SEC23B: variants seen among roughly 807,000 people sequenced by gnomAD.
The protein encoded by SEC23B is protein transport protein Sec23B.
SEC23B carries 77 observed loss-of-function variants against 104.3 expected under a neutral mutation model. The observed-to-expected ratio is 0.74, with a 90% confidence interval of 0.61 to 0.89. The LOEUF is 0.89. Among genes scored for constraint, SEC23B ranks in the 40% least tolerant of loss-of-function variants. SEC23B has a pLI of 0.00. For missense variants in SEC23B, 885 were observed against 949.4 expected (o/e 0.93, Z 0.89); for synonymous variants, 338 against 332.5 (o/e 1.02, Z -0.18).
chr20:18,534,296 T>C (rs1421491623), intron 11 of SEC23B, among the ~76,000 whole-genome samples: 1 of 152,232 alleles, frequency 6.6e-6, no homozygotes, highest in East Asian at 1.9e-4. Context: ...AATTTCCTAA[T>C]ATCTAGTTCA....
At chr20:18,542,956 A>C in intron 13 of SEC23B, 63 bp from the exon 14 acceptor site, 1 of 1,604,034 alleles carries the variant, frequency 6.2e-7, no homozygotes, top group Non-Finnish European at 8.5e-7. Context: ...CTTTTTCTGA[A>C]TGGATGTCTG....
At chr20:18,531,539 C>G (rs112088095) in intron 10 of SEC23B, among the ~76,000 whole-genome samples, 2 of 151,682 alleles carry the variant, frequency 1.3e-5, no homozygotes, top group African/African-American at 4.8e-5. Context: ...GCCTGTAGCC[C>G]CAGCTACTTG....
At chr20:18,520,292 G>T (rs1412546043) in intron 4 of SEC23B, among the ~76,000 whole-genome samples, 1 of 152,184 alleles carries the variant, frequency 6.6e-6, no homozygotes, top group Non-Finnish European at 1.5e-5. Flanking sequence ...GCTATAACAA[G>T]CGAGTGATAA....
chr20:18,556,815 G>T (rs2122183792), intron 19 of SEC23B, among the ~76,000 whole-genome samples: 1 of 152,246 alleles, frequency 6.6e-6, no homozygotes, highest in South Asian at 2.1e-4. Flanking sequence ...AGCCAACACG[G>T]TGAAACCCCC....
intron 14 of SEC23B, 105 bp downstream of exon 14, chr20:18,543,277 A>G: frequency 7.1e-7 from 1 of 1,410,370 alleles, no homozygotes; most frequent in Non-Finnish European, 1.0e-6. Flanking sequence ...GCAAGAATTT[A>G]TCAGTTGCCT....
At chr20:18,545,853 T>C in intron 14 of SEC23B, 103 bp from the exon 15 acceptor site, 1 of 776,978 alleles carries the variant, frequency 1.3e-6, no homozygotes, top group East Asian at 2.4e-5. Flanking sequence ...GAGTTCAGAC[T>C]GGATGTAGCT....
intron 4 of SEC23B, among the ~76,000 whole-genome samples, chr20:18,517,050 A>G (rs1399141209): frequency 1.3e-5 from 2 of 152,170 alleles, no homozygotes; most frequent in East Asian, 3.9e-4. Context: ...TTTAATTTCC[A>G]TATATATGTT....
At chr20:18,533,912 A>C (rs2060206990) in intron 11 of SEC23B, among the ~76,000 whole-genome samples, 2 of 152,210 alleles carry the variant, frequency 1.3e-5, no homozygotes, top group South Asian at 4.1e-4. Flanking sequence ...TAGTTTAAGA[A>C]GGTATTTTTA....
At chr20:18,521,643 G>C (rs906025015) in intron 4 of SEC23B, among the ~76,000 whole-genome samples, 1 of 152,140 alleles carries the variant, frequency 6.6e-6, no homozygotes, top group Admixed American at 6.5e-5. Context: ...ATAGGGTGGG[G>C]GAGCAGAGGC....
At chr20:18,557,994 G>A (rs976126217) in intron 19 of SEC23B, among the ~76,000 whole-genome samples, 9 of 151,480 alleles carry the variant, frequency 5.9e-5, no homozygotes, top group Non-Finnish European at 1.3e-4. Flanking sequence ...CAGGTGATCC[G>A]CCCGCCTCAG....
At position 18,531,444 on chromosome 20, in the gene SEC23B, G is replaced by T. The variant is rs546493243; in HGVS notation, c.1233+641G>T. Among the ~76,000 whole-genome samples the T allele has an allele frequency of 1.2e-4, 18 of 149,848 alleles. 1 individual carries two copies. In the South Asian group the frequency reaches 3.6e-3, roughly 30 times the overall value. Reference sequence around the variant, plus strand: ...GGCCGAGGTGGGCGGATCACCTGAGGTTGGGAGTTCGAGACCAGCCTGACC... The same window carrying T: ...GGCCGAGGTGGGCGGATCACCTGAGTTTGGGAGTTCGAGACCAGCCTGACC... On this transcript the variant is annotated intron_variant, in intron 10 of 19. Coordinates refer to ENST00000650089, the MANE Select transcript of SEC23B (RefSeq NM_006363.6).
chr20:18,510,446 G>T (rs2059971573), intron 1 of SEC23B, among the ~76,000 whole-genome samples: 1 of 152,214 alleles, frequency 6.6e-6, no homozygotes, highest in Non-Finnish European at 1.5e-5. Context: ...ACAGCAACAG[G>T]TTCTTCCCAA....
At chr20:18,526,326 A>C (rs377639795) in intron 7 of SEC23B, 47 bp from the exon 8 acceptor site, 50 of 1,603,688 alleles carry the variant, frequency 3.1e-5, no homozygotes, top group Non-Finnish European at 4.0e-5. Context: ...AACCATACTA[A>C]AAGGTGAGGC....
chr20:18,527,572 C>T lies in SEC23B; in HGVS notation c.1070C>T (p.Thr357Ile). ...IDIYACALDQ[T>I]GLLEMKCCAN... ...ATTTATGCTTGTGCCCTTGATCAAA[C>T]TGGACTTTTGGAGATGAAGTGTTGT... The change falls in exon 9 of 20, where the codon ACT becomes ATT. Residue 357 changes from threonine (T) to isoleucine (I), a missense_variant. Transcript: ENST00000650089. 1 of 1,613,324 alleles carries T rather than the reference C, an allele frequency of 6.2e-7. No homozygotes were observed. Among genetic ancestry groups the T allele is most frequent in the Admixed American group, 1.7e-5 (1 of 60,022 alleles).
At chr20:18,532,959 T>G (rs1193434115) in intron 11 of SEC23B, among the ~76,000 whole-genome samples, 1 of 152,152 alleles carries the variant, frequency 6.6e-6, no homozygotes, top group Non-Finnish European at 1.5e-5. Context: ...CCCAGAAAGG[T>G]TCAGTATCTT....
chr20:18,526,998 T>C (rs573924517), intron 8 of SEC23B, among the ~76,000 whole-genome samples: 40 of 152,306 alleles, frequency 2.6e-4, no homozygotes, highest in African/African-American at 7.9e-4. Flanking sequence ...GGCGGATCAC[T>C]TGAGGTCAGG....
intron 12 of SEC23B, among the ~76,000 whole-genome samples, chr20:18,537,823 TC>T (rs1356499678): frequency 6.6e-6 from 1 of 152,192 alleles, no homozygotes; most frequent in African/African-American, 2.4e-5. Flanking sequence ...GCTCATCTGA[TC>T]CTTTAGTGAG....
intron 2 of SEC23B, among the ~76,000 whole-genome samples, chr20:18,511,798 A>G (rs1258454808): frequency 3.3e-5 from 5 of 152,208 alleles, no homozygotes; most frequent in African/African-American, 9.7e-5. Context: ...AAGTCAGGTT[A>G]AAAATCTAGA....
chr20:18,543,212 C>G, intron 14 of SEC23B, 40 bp downstream of exon 14: 2 of 1,613,502 alleles, frequency 1.2e-6, no homozygotes, highest in Non-Finnish European at 1.7e-6. Context: ...GTCTTGGTTT[C>G]TGCTTTACTT....
Sources: gnomAD v4.1 joint callset for allele counts (sites outside exome capture counted in the v4.1 genomes callset) on GRCh38, gnomAD v4.1.1 for gene constraint, MANE v1.5 for transcripts, NCBI Gene and HGNC (gene_info 2026-07-23, HGNC 2026-07-21) for gene names.